ATRN: variants seen among roughly 807,000 people sequenced by gnomAD.
ATRN encodes attractin-2.
ATRN carries 54 observed loss-of-function variants against 178.7 expected under a neutral mutation model. That is an observed-to-expected ratio of 0.30 (90% confidence interval 0.24 to 0.38). The LOEUF is 0.38. ATRN is among the 10% of genes least tolerant of loss of function. The pLI, the probability that ATRN is intolerant of heterozygous loss-of-function variation, is 1.00. For missense variants in ATRN, 1,443 were observed against 1,815.1 expected, an observed-to-expected ratio of 0.79 and a Z score of 3.73; for synonymous variants, 636 against 663.0, an observed-to-expected ratio of 0.96 and a Z score of 0.63.
chr20:3,559,474 A>G lies in ATRN; in HGVS notation c.1194A>G (p.Ala398=). 2.5e-6 allele frequency: 4 copies of G among 1,613,174 alleles called. No individual in the cohort carries two copies. The highest frequency in any genetic ancestry group is 3.4e-6 in the Non-Finnish European group (4 of 1,179,182). ...TTGTTAGATATGGTCATTCTTTGGC[A>G]TTATACAAGGTAAAGCATCTCCACT... is the stretch of plus-strand genomic sequence containing the variant. The part of the protein sequence containing the change: ...NVVVRYGHSL[A]LYKDKIYMYG... The change falls in exon 7 of 29, where the codon GCA becomes GCG. Residue 398 remains alanine, a synonymous_variant. Coordinates refer to ENST00000262919, the MANE Select transcript of ATRN (RefSeq NM_139321.3).
chr20:3,513,202 G>C (rs554980389), intron 1 of ATRN, among the ~76,000 whole-genome samples: 1 of 152,270 alleles, frequency 6.6e-6, no homozygotes, highest in Non-Finnish European at 1.5e-5. Context: ...GTCCTGAATG[G>C]TATTGCCTAG....
chr20:3,502,403 A>C (rs1193567153), intron 1 of ATRN, among the ~76,000 whole-genome samples: 1 of 152,166 alleles, frequency 6.6e-6, no homozygotes, highest in Non-Finnish European at 1.5e-5. Flanking sequence ...CTGACTTGGG[A>C]TCACAGCATT....
intron 3 of ATRN, among the ~76,000 whole-genome samples, chr20:3,545,345 CAA>C (rs1185067193): frequency 1.9e-4 from 25 of 131,872 alleles, no homozygotes; most frequent in Admixed American, 7.7e-4. Flanking sequence ...GCCTGGGCAA[CAA>C]GAGCGAAACT....
At position 3,471,373 on chromosome 20, in the gene ATRN, C is replaced by T. The variant is rs1216299978; in HGVS notation, c.266C>T (p.Ala89Val). ...GCCGAGGCCGCGGCGGCGGCGGCGG[C>T]GGTGTCGGGCTCAGCCGCAGCCGAG... is the stretch of plus-strand genomic sequence containing the variant. ...CEAEAAAAAAAVSGSAAAEAK... is the reference protein window; with the variant it reads ...CEAEAAAAAAVVSGSAAAEAK... The change falls in exon 1 of 29, where the codon GCG (alanine) becomes GTG (valine). Residue 89 changes from alanine (A) to valine (V), a missense_variant. Ala to Val is a moderately conservative substitution (Grantham distance 64). This residue lies in a region of ATRN where 862 missense variants were observed against 972.1 expected (regional missense o/e 0.89). Coordinates refer to ENST00000262919, the MANE Select transcript of ATRN (RefSeq NM_139321.3). 1.5e-5 allele frequency: 22 copies of T among 1,476,950 alleles called. No homozygotes were observed. The highest frequency in any genetic ancestry group is 8.6e-5 in the East Asian group (3 of 34,714). 91.5% of individuals were successfully genotyped at this position (1,476,950 alleles called of 1,614,324 possible).
intron 11 of ATRN, among the ~76,000 whole-genome samples, chr20:3,568,088 A>G (rs1230127932): frequency 6.7e-6 from 1 of 150,234 alleles, no homozygotes; most frequent in Non-Finnish European, 1.5e-5. Flanking sequence ...CAGGAGATCA[A>G]GACTATCCTG....
At chr20:3,635,931 T>C (rs1016582359) in intron 26 of ATRN, among the ~76,000 whole-genome samples, 1 of 152,204 alleles carries the variant, frequency 6.6e-6, no homozygotes, top group African/African-American at 2.4e-5. Context: ...ATATTTTCAA[T>C]TTAATTTAAA....
intron 22 of ATRN, among the ~76,000 whole-genome samples, chr20:3,599,109 C>G (rs1324770482): frequency 6.6e-6 from 1 of 151,846 alleles, no homozygotes; most frequent in African/African-American, 2.4e-5. Context: ...AAGTAAATTG[C>G]TTTTTAAGTA....
chr20:3,562,239 C>A (rs1268296223), intron 8 of ATRN, 37 bp from the exon 9 acceptor site: 1 of 1,557,290 alleles, frequency 6.4e-7, no homozygotes, highest in Non-Finnish European at 8.8e-7. Context: ...AGAGGAGGAG[C>A]CTGCCATGCT....
intron 1 of ATRN, among the ~76,000 whole-genome samples, chr20:3,510,932 A>G (rs561967727): frequency 6.6e-6 from 1 of 152,344 alleles, no homozygotes; most frequent in South Asian, 2.1e-4. Context: ...TCGTAGAACA[A>G]AAAGATTTGA....
intron 19 of ATRN, among the ~76,000 whole-genome samples, chr20:3,591,937 C>T (rs901853428): frequency 1.2e-4 from 18 of 152,188 alleles, no homozygotes; most frequent in Non-Finnish European, 1.5e-4. Context: ...AGACCTGAGT[C>T]CTTAACTGCA....
chr20:3,559,934 G>A (rs2085927932), intron 7 of ATRN, among the ~76,000 whole-genome samples: 1 of 152,074 alleles, frequency 6.6e-6, no homozygotes, highest in Non-Finnish European at 1.5e-5. Flanking sequence ...TATTAGAGAT[G>A]TAAAATATGA....
chr20:3,511,679 G>A (rs1268800929), intron 1 of ATRN, among the ~76,000 whole-genome samples: 1 of 152,132 alleles, frequency 6.6e-6, no homozygotes, highest in African/African-American at 2.4e-5. Flanking sequence ...ATACTAATAT[G>A]TTCTGTTCAA....
rs1185357145 is a variant in ATRN at position 3,537,686 on chromosome 20, G to A, written c.494+2350G>A. On this transcript the variant is annotated intron_variant, in intron 2 of 28. Coordinates refer to ENST00000262919, the MANE Select transcript of ATRN (RefSeq NM_139321.3). ...CTCCCCCCACCCCACGACAAACCCC[G>A]GTGTGTGATGTTCCCCTTCCTATGT... 1.0e-4 allele frequency among the ~76,000 whole-genome samples: 13 copies of A among 130,068 alleles called. No homozygotes were observed. The East Asian group carries it at 3.1e-3, about 31-fold the overall frequency. 85.3% of individuals were successfully genotyped at this position (130,068 alleles called of 152,430 possible). A position where few individuals can be genotyped will look rare whatever the true frequency, so the allele number is the denominator to read the frequency against.
intron 3 of ATRN, among the ~76,000 whole-genome samples, chr20:3,542,076 A>AGGG (rs2085630118): frequency 6.6e-6 from 1 of 152,122 alleles, no homozygotes; most frequent in African/African-American, 2.4e-5. Context: ...GTTCACTTAC[A>AGGG]AGGCCAAAGA....
intron 1 of ATRN, among the ~76,000 whole-genome samples, chr20:3,514,482 G>A (rs2085180019): frequency 6.6e-6 from 1 of 152,196 alleles, no homozygotes; most frequent in Non-Finnish European, 1.5e-5. Flanking sequence ...ACTGTGTTTA[G>A]TGAAATACTG....
chr20:3,539,021 C>T (rs752930503), intron 2 of ATRN, among the ~76,000 whole-genome samples: 4 of 152,224 alleles, frequency 2.6e-5, no homozygotes, highest in East Asian at 1.9e-4. Context: ...TATCTCCCTA[C>T]GACTTTTTGC....
intron 10 of ATRN, among the ~76,000 whole-genome samples, chr20:3,563,963 G>A (rs76215205): frequency 0.016 from 2,507 of 152,084 alleles, 30 homozygotes; most frequent in Middle Eastern, 0.031. Context: ...ATCCATCACC[G>A]CCATCCATCT....
At chr20:3,541,129 A>G (rs1025429933) in intron 3 of ATRN, among the ~76,000 whole-genome samples, 16 of 148,332 alleles carry the variant, frequency 1.1e-4, no homozygotes, top group South Asian at 2.1e-4. Context: ...CCAGGCTGGA[A>G]TGCAGTGGCG....
At chr20:3,583,698 C>T (rs2086311342) in intron 16 of ATRN, among the ~76,000 whole-genome samples, 200 bp from the exon 17 acceptor site, 1 of 152,012 alleles carries the variant, frequency 6.6e-6, no homozygotes, top group East Asian at 1.9e-4. Flanking sequence ...GTCCCAGCTA[C>T]TTGGGAGGCT....
Sources: allele counts gnomAD v4.1 joint callset (sites outside exome capture counted in the v4.1 genomes callset), GRCh38; gene constraint gnomAD v4.1.1; regional missense constraint gnomAD v4.1.1; transcripts MANE v1.5; gene names NCBI Gene and HGNC (gene_info 2026-07-23, HGNC 2026-07-21).